Variants in DENND2B observed in about 807,000 individuals in gnomAD.
DENND2B encodes DENN domain-containing protein 2B.
In DENND2B, 32 loss-of-function variants were observed where a neutral mutation model predicts 116.0. That is an observed-to-expected ratio of 0.28 (90% CI 0.21 to 0.37). DENND2B has a LOEUF of 0.37. DENND2B is among the 10% of genes least tolerant of loss of function. The pLI, the probability that DENND2B is intolerant of heterozygous loss-of-function variation, is 1.00. For missense variants in DENND2B, 1,276 were observed against 1,477.7 expected (o/e 0.86, Z 2.24); for synonymous variants, 588 against 583.9 (o/e 1.01, Z -0.10).
intron 1 of DENND2B, among the ~76,000 whole-genome samples, chr11:8,759,933 C>A (rs188224613): frequency 6.6e-6 from 1 of 152,194 alleles, no homozygotes; most frequent in South Asian, 2.1e-4. Context: ...TCAGGATGAT[C>A]CTTCTCCGCA....
chr11:8,700,606 TCCTTCACTGCCCTCCTGTGAG>T, intron 14 of DENND2B, among the ~76,000 whole-genome samples: 1 of 152,266 alleles, frequency 6.6e-6, no homozygotes, highest in African/African-American at 2.4e-5. Flanking sequence ...ACGGGGATTT[TCCTTCACTGCCCTCCTGTGAG>T]CACCTGACAT....
chr11:8,819,109 G>A lies in DENND2B; in HGVS notation c.-114-7774C>T, dbSNP rs547161050. Among the ~76,000 whole-genome samples the A allele has an allele frequency of 1.2e-4, 19 of 152,268 alleles. 1 individual carries two copies. The South Asian group carries it at 2.1e-3, about 17-fold the overall frequency. The stretch of plus-strand genomic sequence containing the variant: ...GTTTTATAGCAGGTAGAAGTTTAAG[G>A]AGAGGCGGGGCTTGGTGGCTCATGC... On this transcript the variant is annotated intron_variant, in intron 4 of 6. Coordinates refer to the DENND2B transcript ENST00000524757.
At chr11:8,890,991 G>T (rs1400614291) in intron 1 of DENND2B, among the ~76,000 whole-genome samples, 1 of 152,200 alleles carries the variant, frequency 6.6e-6, no homozygotes, top group Non-Finnish European at 1.5e-5. Flanking sequence ...CAGCCAGAAA[G>T]AAAGGTCAGG....
chr11:8,812,555 T>C (rs1238717401), upstream of DENND2B, among the ~76,000 whole-genome samples: 1 of 151,864 alleles, frequency 6.6e-6, no homozygotes, highest in Non-Finnish European at 1.5e-5. Context: ...GGAAATAAAA[T>C]CTAGAAACAA....
intron 4 of DENND2B, among the ~76,000 whole-genome samples, chr11:8,816,550 CAA>C (rs113682667): frequency 9.0e-4 from 110 of 121,628 alleles, no homozygotes; most frequent in Non-Finnish European, 1.0e-3. Context: ...AACTGTGTCT[CAA>C]AAAAAAAAAA....
chr11:8,909,145 G>A (rs2134774728), intron 1 of DENND2B, among the ~76,000 whole-genome samples: 1 of 152,262 alleles, frequency 6.6e-6, no homozygotes, highest in South Asian at 2.1e-4. Context: ...GGAAAAGTGA[G>A]GCTCAAAGAA....
At position 8,702,831 on chromosome 11, in the gene DENND2B, G is replaced by C. The variant is rs1288407871; in HGVS notation, c.2572-111C>G. On this transcript the variant is annotated intron_variant, in intron 13 of 19. Coordinates refer to ENST00000313726, the MANE Select transcript of DENND2B (RefSeq NM_213618.2). This position sits in a 1 kb window ranked among gnomAD's most constrained non-coding sequence, Gnocchi z 4.6. ...TCCCCTTCCAACCTGCTCTTTTCCA[G>C]GTCTCTCGTCTACCCTGCTATGCAG... 1.6e-5 allele frequency: 22 copies of C among 1,376,764 alleles called. No individual in the cohort carries two copies. Among genetic ancestry groups the C allele is most frequent in the Non-Finnish European group, 2.1e-5 (21 of 1,010,562 alleles). 85.3% of individuals were successfully genotyped at this position (1,376,764 alleles called of 1,614,324 possible).
At chr11:8,766,796 G>T in intron 1 of DENND2B, 1 of 682,406 alleles carries the variant, frequency 1.5e-6, no homozygotes, top group South Asian at 1.5e-5. Flanking sequence ...GGGGGTGCTG[G>T]GTTGGAGAAT....
chr11:8,853,888 G>A (rs1207409245), intron 3 of DENND2B, among the ~76,000 whole-genome samples: 1 of 151,798 alleles, frequency 6.6e-6, no homozygotes, highest in Non-Finnish European at 1.5e-5. Flanking sequence ...TCACTCTGTC[G>A]CTCAGGCTCA....
chr11:8,785,607 T>G (rs986227071), intron 1 of DENND2B: 1 of 151,926 alleles, frequency 6.6e-6, no homozygotes, highest in East Asian at 1.9e-4. Flanking sequence ...TATCTAGGAG[T>G]GATGGCAGTC....
chr11:8,731,793 TA>T (rs1471713196), intron 2 of DENND2B, among the ~76,000 whole-genome samples: 2 of 152,142 alleles, frequency 1.3e-5, no homozygotes, highest in Non-Finnish European at 2.9e-5. Context: ...TTTGGTAGTA[TA>T]AATATTCCAA....
At chr11:8,864,348 G>A (rs2063506683) in intron 2 of DENND2B, among the ~76,000 whole-genome samples, 1 of 152,072 alleles carries the variant, frequency 6.6e-6, no homozygotes, top group Non-Finnish European at 1.5e-5. Context: ...GCTCCCTACA[G>A]CCTTGACCTC....
chr11:8,861,319 C>T (rs980074462), intron 2 of DENND2B, among the ~76,000 whole-genome samples: 1 of 152,066 alleles, frequency 6.6e-6, no homozygotes, highest in Non-Finnish European at 1.5e-5. Context: ...CTGCAAGGAA[C>T]TCAAATAATT....
chr11:8,739,981 T>C (rs1005402669), intron 2 of DENND2B, among the ~76,000 whole-genome samples: 3 of 150,990 alleles, frequency 2.0e-5, no homozygotes, highest in Admixed American at 6.6e-5. Flanking sequence ...AGCCCAGGAG[T>C]TGGAGACCAG....
chr11:8,835,363 G>C (rs2062379071), intron 4 of DENND2B, among the ~76,000 whole-genome samples: 1 of 152,236 alleles, frequency 6.6e-6, no homozygotes, highest in African/African-American at 2.4e-5. Flanking sequence ...AAGAACAATA[G>C]TGATGGCACT....
At chr11:8,709,875 C>T (rs1002596578) in intron 11 of DENND2B, among the ~76,000 whole-genome samples, 4 of 152,178 alleles carry the variant, frequency 2.6e-5, no homozygotes, top group African/African-American at 4.8e-5. Flanking sequence ...GCCCTTCCCT[C>T]CTGTGTTGAA....
intron 1 of DENND2B, among the ~76,000 whole-genome samples, chr11:8,897,210 T>G (rs1158926822): frequency 6.6e-6 from 1 of 152,098 alleles, no homozygotes; most frequent in Non-Finnish European, 1.5e-5. Context: ...TAAGCAGAGA[T>G]TGCGCCACTG....
intron 1 of DENND2B, among the ~76,000 whole-genome samples, chr11:8,895,760 T>C (rs2134750589): frequency 6.6e-6 from 1 of 152,304 alleles, no homozygotes; most frequent in Non-Finnish European, 1.5e-5. Context: ...TGTGTGTTTT[T>C]TTATTTTTTA....
intron 2 of DENND2B, among the ~76,000 whole-genome samples, chr11:8,737,769 T>A (rs1055772072): frequency 1.3e-5 from 2 of 151,776 alleles, no homozygotes; most frequent in African/African-American, 4.8e-5. Flanking sequence ...CTTCCTCTCC[T>A]TCCTCTCTCT....
Sources: gnomAD v4.1 joint callset for allele counts (sites outside exome capture counted in the v4.1 genomes callset) on GRCh38, gnomAD v4.1.1 for gene constraint, Gnocchi (gnomAD v3.1) non-coding constraint, MANE v1.5 for transcripts, NCBI Gene and HGNC (gene_info 2026-07-23, HGNC 2026-07-21) for gene names.